The following FCHO2 variants were observed in gnomAD, a reference collection of about 807,000 sequenced individuals.
The protein encoded by FCHO2 is F-BAR domain only protein 2.
In FCHO2, 43 loss-of-function variants were observed where a neutral mutation model predicts 114.1. The ratio of observed to expected loss-of-function variants is 0.38; its 90% CI spans 0.30 to 0.49. The LOEUF is 0.49. Ranked by LOEUF, FCHO2 falls within the 20% of genes least tolerant of loss-of-function variation. The pLI is 0.97. For missense variants in FCHO2, 807 were observed against 950.4 expected (o/e 0.85, Z 1.98); for synonymous variants, 293 against 315.2 (o/e 0.93, Z 0.75).
chr5:73,014,116 A>G (rs550696589), intron 6 of FCHO2, among the ~76,000 whole-genome samples: 10 of 152,240 alleles, frequency 6.6e-5, no homozygotes, highest in African/African-American at 2.2e-4. Context: ...CCCAGGCAGT[A>G]CTGGAGGATC....
At chr5:73,023,257 T>TA (rs1755727026) in intron 8 of FCHO2, among the ~76,000 whole-genome samples, 1 of 152,266 alleles carries the variant, frequency 6.6e-6, no homozygotes, top group South Asian at 2.1e-4. Context: ...GTGTAGGATT[T>TA]AATCATGTTA....
At chr5:72,992,765 T>G (rs1258747262) in intron 5 of FCHO2, among the ~76,000 whole-genome samples, 1 of 152,180 alleles carries the variant, frequency 6.6e-6, no homozygotes, top group Non-Finnish European at 1.5e-5. Context: ...GGGAAGTAAT[T>G]AAAAATTACT....
At chr5:73,049,202 A>G (rs192335139) in intron 11 of FCHO2, among the ~76,000 whole-genome samples, 4 of 151,934 alleles carry the variant, frequency 2.6e-5, no homozygotes, top group Admixed American at 2.6e-4. Context: ...ATGTAGTTTT[A>G]ATTTTCTTGG....
chr5:73,077,446 TATC>T lies in FCHO2; in HGVS notation c.1802_1804del (p.Ile601del). ...CTGTGTTGTGCTTCAGGGTGAAAAATATCAGCAGACTAGAGCAGATTCTTCCAA... is the reference window on the plus strand; with the variant it reads ...CTGTGTTGTGCTTCAGGGTGAAAAATAGCAGACTAGAGCAGATTCTTCCAA... On this transcript the variant is annotated inframe_deletion, in exon 21 of 26. Coordinates refer to ENST00000430046, the MANE Select transcript of FCHO2 (RefSeq NM_138782.3). The T allele has an allele frequency of 6.2e-7, 1 of 1,603,086 alleles. No homozygotes were observed. Among genetic ancestry groups the T allele is most frequent in the Non-Finnish European group, 8.5e-7 (1 of 1,174,512 alleles).
Position 73,006,474 on chromosome 5 carries a change from T to A in FCHO2, c.525T>A (p.Asp175Glu), listed in dbSNP as rs986339535. The change falls in exon 6 of 26, where the codon GAT becomes GAA. Residue 175 changes from aspartate to glutamate, a missense_variant. By Grantham distance (45) the Asp-to-Glu change is conservative (BLOSUM62 2). Coordinates refer to ENST00000430046, the MANE Select transcript of FCHO2 (RefSeq NM_138782.3). ...KAAVKSKKAT[D>E]TYKLYVEKYA... ...CTGTTAAATCTAAGAAAGCTACAGATACCTATAAACTCTATGTGGAAAAAT... is the reference window on the plus strand; with the variant it reads ...CTGTTAAATCTAAGAAAGCTACAGAAACCTATAAACTCTATGTGGAAAAAT... 6.4e-7 allele frequency: 1 copy of A among 1,553,994 alleles called. No individual in the cohort carries two copies. Among genetic ancestry groups the A allele is most frequent in the Non-Finnish European group, 8.6e-7 (1 of 1,157,376 alleles).
At chr5:73,066,929 C>G (rs1439743686) in intron 18 of FCHO2, among the ~76,000 whole-genome samples, 2 of 151,788 alleles carry the variant, frequency 1.3e-5, no homozygotes, top group Non-Finnish European at 2.9e-5. Context: ...ATAATATAAG[C>G]AACATATAAT....
intron 6 of FCHO2, among the ~76,000 whole-genome samples, chr5:73,013,670 C>T (rs576951943): frequency 6.6e-6 from 1 of 152,028 alleles, no homozygotes; most frequent in Non-Finnish European, 1.5e-5. Flanking sequence ...TTTCTCAGAC[C>T]TTCTTTTTTT....
At chr5:73,020,673 A>C (rs1471486520) in intron 8 of FCHO2, 1 of 1,116,916 alleles carries the variant, frequency 9.0e-7, no homozygotes, top group African/African-American at 1.5e-5. Flanking sequence ...ACTAGACCGC[A>C]AGGAACAGTT....
chr5:73,087,934 A>G, intron 25 of FCHO2, 134 bp from the exon 26 acceptor site: 1 of 1,401,372 alleles, frequency 7.1e-7, no homozygotes. Context: ...GTATAGCTGA[A>G]CACCTGTTAT....
intron 2 of FCHO2, among the ~76,000 whole-genome samples, chr5:72,985,376 G>C (rs1753458996): frequency 1.3e-5 from 2 of 152,024 alleles, no homozygotes; most frequent in Non-Finnish European, 2.9e-5. Flanking sequence ...TGGCCAGGCT[G>C]ATCTCGGACT....
At chr5:73,082,229 A>G (rs1743117472) in intron 23 of FCHO2, among the ~76,000 whole-genome samples, 2 of 150,202 alleles carry the variant, frequency 1.3e-5, no homozygotes, top group South Asian at 2.1e-4. Flanking sequence ...TAACTTTACC[A>G]TTAGGCAGAG....
Position 73,081,858 on chromosome 5 carries a change from C to T in FCHO2, c.2056C>T (p.Leu686Phe), listed in dbSNP as rs1743104558. 4 of 1,612,652 alleles carry T rather than the reference C, an allele frequency of 2.5e-6. No individual in the cohort carries two copies. The East Asian group carries it at 8.9e-5, about 36-fold the overall frequency. The change falls in exon 23 of 26, where the codon CTT becomes TTT. Residue 686 changes from leucine to phenylalanine, a missense_variant. Coordinates refer to ENST00000430046, the MANE Select transcript of FCHO2 (RefSeq NM_138782.3). ...YWKCSASTTD[L>F]RVDYKYNPEA... is the part of the protein sequence containing the mutation. ...GAAATGTAGTGCTAGCACCACAGAT[C>T]TTAGAGTGGATTATAAATACAATCC...
chr5:73,051,142 C>G, intron 11 of FCHO2: 1 of 410,560 alleles, frequency 2.4e-6, no homozygotes, highest in Middle Eastern at 6.5e-4. Context: ...CAGGTCTTTC[C>G]TCTTTCAGGT....
chr5:72,965,813 A>G (rs1021903360), intron 1 of FCHO2, among the ~76,000 whole-genome samples: 4 of 152,232 alleles, frequency 2.6e-5, no homozygotes, highest in Non-Finnish European at 2.9e-5. Flanking sequence ...AGGGTTGTCT[A>G]TTAAATGTCC....
chr5:73,030,519 A>C (rs1488802550), intron 8 of FCHO2, among the ~76,000 whole-genome samples: 1 of 152,254 alleles, frequency 6.6e-6, no homozygotes, highest in African/African-American at 2.4e-5. Context: ...TATTTTAATA[A>C]GATCCCAAGA....
At chr5:73,019,680 A>G (rs1030802136) in intron 8 of FCHO2, among the ~76,000 whole-genome samples, 1 of 152,202 alleles carries the variant, frequency 6.6e-6, no homozygotes, top group African/African-American at 2.4e-5. Flanking sequence ...ACGTAACACT[A>G]AGTCATAAAC....
intron 2 of FCHO2, among the ~76,000 whole-genome samples, chr5:72,973,391 G>A (rs1752678201): frequency 6.6e-6 from 1 of 152,106 alleles, no homozygotes; most frequent in Non-Finnish European, 1.5e-5. Context: ...CCTGTTATTG[G>A]TCTATTCAGA....
chr5:73,030,870 A>G (rs1187623503), intron 8 of FCHO2, among the ~76,000 whole-genome samples: 1 of 152,196 alleles, frequency 6.6e-6, no homozygotes, highest in Non-Finnish European at 1.5e-5. Flanking sequence ...CTTTTTTAAA[A>G]CACATACTCC....
At chr5:72,986,449 A>G (rs2112658113) in intron 2 of FCHO2, among the ~76,000 whole-genome samples, 1 of 152,262 alleles carries the variant, frequency 6.6e-6, no homozygotes, top group South Asian at 2.1e-4. Flanking sequence ...TCAACTGATC[A>G]GCTACCTCTT....
Sources: allele counts gnomAD v4.1 joint callset (sites outside exome capture counted in the v4.1 genomes callset), GRCh38; gene constraint gnomAD v4.1.1; transcripts MANE v1.5; gene names NCBI Gene and HGNC (gene_info 2026-07-23, HGNC 2026-07-21).